Variants in GRIP2 observed in about 807,000 individuals in gnomAD.
GRIP2 encodes glutamate receptor-interacting protein 2.
In GRIP2, 58 loss-of-function variants were observed where a neutral mutation model predicts 108.3. That is an observed-to-expected ratio of 0.54 (90% CI 0.43 to 0.67). The LOEUF is 0.67. Among genes scored for constraint, GRIP2 ranks in the 30% least tolerant of loss-of-function variants. The pLI, the probability that GRIP2 is intolerant of heterozygous loss-of-function variation, is 0.00. For synonymous variants in GRIP2, 586 were observed against 598.2 expected (o/e 0.98, Z 0.30); for missense variants, 1,278 against 1,430.6 (o/e 0.89, Z 1.72).
the GRIP2 span, among the ~76,000 whole-genome samples, chr3:14,571,466 C>T: frequency 2.0e-5 from 3 of 152,266 alleles, no homozygotes; most frequent in Non-Finnish European, 2.9e-5. Flanking sequence ...TTCCCACCCC[C>T]GCGCACCTCA....
the GRIP2 span, among the ~76,000 whole-genome samples, chr3:14,578,454 C>A: frequency 6.6e-6 from 1 of 152,178 alleles, no homozygotes; most frequent in Non-Finnish European, 1.5e-5. Flanking sequence ...CCATGGCCCA[C>A]GTCTGTAATC....
At chr3:14,540,458 T>A, upstream of GRIP2, 1 of 1,543,274 alleles carries the variant, frequency 6.5e-7, no homozygotes, top group Admixed American at 1.9e-5. The surrounding 1 kb of genome is among the most constrained non-coding windows in gnomAD (Gnocchi z 4.1). Context: ...CGGGCGGCTC[T>A]CTGCTTAAAG....
At chr3:14,537,145 A>C (rs568398987) in intron 1 of GRIP2, among the ~76,000 whole-genome samples, 1 of 152,232 alleles carries the variant, frequency 6.6e-6, no homozygotes, top group East Asian at 1.9e-4. Flanking sequence ...CTTCCTGGAC[A>C]CATCTGTCCT....
chr3:14,567,747 T>C, the GRIP2 span, among the ~76,000 whole-genome samples: 2 of 152,242 alleles, frequency 1.3e-5, no homozygotes, highest in South Asian at 4.1e-4. Flanking sequence ...GCTGGGCAGC[T>C]CTTATGCTCC....
At position 14,505,528 on chromosome 3, in the gene GRIP2, C is replaced by T. The variant is rs370314265; in HGVS notation, c.2573+87G>A. On this transcript the variant is annotated intron_variant, in intron 20 of 23. Transcript: ENST00000621039. This position sits in a 1 kb window ranked among gnomAD's most constrained non-coding sequence, Gnocchi z 4.2. Reference sequence around the variant, plus strand: ...CAGGAGCCCGCCAAGACTCTCCATTCCCCCACCACTTTGGCACAGGCACCC... The same window carrying T: ...CAGGAGCCCGCCAAGACTCTCCATTTCCCCACCACTTTGGCACAGGCACCC... 2 of 1,429,374 alleles carry T rather than the reference C, an allele frequency of 1.4e-6. No homozygotes were observed. The highest frequency in any genetic ancestry group is 2.5e-5 in the East Asian group (1 of 40,374). 88.5% of individuals were successfully genotyped at this position (1,429,374 alleles called of 1,614,324 possible).
upstream of GRIP2, among the ~76,000 whole-genome samples, chr3:14,558,472 G>C (rs774373211): frequency 3.3e-5 from 5 of 152,220 alleles, no homozygotes; most frequent in African/African-American, 1.2e-4. Context: ...GGTAGGAAGA[G>C]AAATGGCCCA....
chr3:14,581,775 C>T, the GRIP2 span, among the ~76,000 whole-genome samples: 23 of 152,318 alleles, frequency 1.5e-4, no homozygotes, highest in African/African-American at 5.1e-4. Flanking sequence ...AGGTCTCTTT[C>T]GCACTTGGGC....
the GRIP2 span, among the ~76,000 whole-genome samples, chr3:14,566,943 C>G: frequency 6.6e-6 from 1 of 152,136 alleles, no homozygotes; most frequent in Non-Finnish European, 1.5e-5. Flanking sequence ...TAGGGTCAAC[C>G]TCACCTCCAA....
At chr3:14,578,026 T>C in the GRIP2 span, among the ~76,000 whole-genome samples, 11 of 152,218 alleles carry the variant, frequency 7.2e-5, no homozygotes, top group African/African-American at 2.7e-4. Flanking sequence ...GAGGTCCTCC[T>C]TTGCAGGACA....
Position 14,521,569 on chromosome 3 carries a change from C to T in GRIP2, c.712+73G>A, listed in dbSNP as rs559812029. 1.8e-5 allele frequency: 26 copies of T among 1,476,356 alleles called. 1 individual carries two copies. In the East Asian group the frequency reaches 5.9e-4, roughly 33 times the overall value. The allele number at this position is 1,476,356 out of a possible 1,614,324, so 91.5% of individuals were successfully genotyped here. On this transcript the variant is annotated intron_variant, in intron 7 of 23. Coordinates refer to ENST00000621039, the MANE Select transcript of GRIP2 (RefSeq NM_001080423.4). This position sits in a 1 kb window ranked among gnomAD's most constrained non-coding sequence, Gnocchi z 5.1. ...TGCAGCCTTTGCAGTGGTAAAGATC[C>T]ATGGCCACTGCCACCTCCCCCCATC...
Position 14,505,897 on chromosome 3 carries a change from C to T in GRIP2, c.2399-108G>A. ...ACCCTGGGGAGGTCGTTGCTCCTCT[C>T]TGGGCCTGCATCTACACAGCCCTCT... is the stretch of plus-strand genomic sequence containing the variant. On this transcript the variant is annotated intron_variant, in intron 19 of 23. Coordinates refer to ENST00000621039, the MANE Select transcript of GRIP2 (RefSeq NM_001080423.4). The surrounding 1 kb of genome is among the most constrained non-coding windows in gnomAD (Gnocchi z 4.2). 3.9e-6 allele frequency: 4 copies of T among 1,035,496 alleles called. No individual in the cohort carries two copies. Among genetic ancestry groups the T allele is most frequent in the Non-Finnish European group, 4.0e-6 (3 of 741,846 alleles). 64.1% of individuals were successfully genotyped at this position (1,035,496 alleles called of 1,614,324 possible).
At chr3:14,588,701 T>C in the GRIP2 span, among the ~76,000 whole-genome samples, 1 of 152,230 alleles carries the variant, frequency 6.6e-6, no homozygotes, top group Non-Finnish European at 1.5e-5. Context: ...CCAGGGTCTC[T>C]GGCAGGAAAG....
intron 10 of GRIP2, 111 bp from the exon 11 acceptor site, chr3:14,517,324 CCCTTCA>C: frequency 6.4e-6 from 7 of 1,101,262 alleles, no homozygotes; most frequent in African/African-American, 1.6e-5. Context: ...GATGCCTTCC[CCCTTCA>C]CATCAGTTAC....
rs951587713 is a variant in GRIP2, at chr3:14,494,474, T to C, written c.2970+369A>G. Among the ~76,000 whole-genome samples, 5 of 152,168 alleles carry C rather than the reference T, an allele frequency of 3.3e-5. No homozygotes were observed. The South Asian group carries it at 1.0e-3, about 32-fold the overall frequency. On this transcript the variant is annotated intron_variant, in intron 23 of 23. Transcript: ENST00000621039. ...TTGGTCCATCGGCTGTGAAGCAAGG[T>C]GATGAGTGTTGCTTCTGGGTGAAGG...
chr3:14,530,278 T>A (rs1008853000), intron 1 of GRIP2, among the ~76,000 whole-genome samples: 1 of 152,244 alleles, frequency 6.6e-6, no homozygotes, highest in Non-Finnish European at 1.5e-5. Flanking sequence ...TTTTCCTGTG[T>A]CTCTGAGCCA....
the GRIP2 span, among the ~76,000 whole-genome samples, chr3:14,584,118 A>T: frequency 2.0e-5 from 3 of 152,202 alleles, no homozygotes; most frequent in African/African-American, 7.2e-5. Flanking sequence ...TGCCCAGGTC[A>T]CACAGTAGGT....
At chr3:14,529,086 C>G (rs1489533187) in intron 1 of GRIP2, among the ~76,000 whole-genome samples, 1 of 149,368 alleles carries the variant, frequency 6.7e-6, no homozygotes, top group African/African-American at 2.5e-5. Flanking sequence ...CTGGCTAACA[C>G]AGTGAAACCC....
At chr3:14,545,729 G>A (rs533103007), upstream of GRIP2, among the ~76,000 whole-genome samples, 137 of 152,328 alleles carry the variant, frequency 9.0e-4, 1 homozygote, top group African/African-American at 2.9e-3. Flanking sequence ...GTGAATGAGC[G>A]AAACACCTAA....
At chr3:14,542,328 A>AT (rs56268285), upstream of GRIP2, among the ~76,000 whole-genome samples, 85,471 of 151,402 alleles carry the variant, frequency 0.56, 24,723 homozygotes, top group Middle Eastern at 0.67. Context: ...TAAGTTTTAC[A>AT]TTTTTTGTAG....
Sources: allele counts gnomAD v4.1 joint callset (sites outside exome capture counted in the v4.1 genomes callset), GRCh38; gene constraint gnomAD v4.1.1; non-coding constraint Gnocchi (gnomAD v3.1); transcripts MANE v1.5; gene names NCBI Gene and HGNC (gene_info 2026-07-23, HGNC 2026-07-21).